PPIP5K2: variants seen among roughly 807,000 people sequenced by gnomAD.
PPIP5K2 encodes diphosphoinositol pentakisphosphate kinase 2.
A neutral mutation model predicts 154.6 loss-of-function variants in PPIP5K2; 105 were observed. The ratio of observed to expected loss-of-function variants is 0.68; its 90% CI spans 0.58 to 0.80. The LOEUF (loss-of-function observed/expected upper bound fraction) is 0.80. Among genes scored for constraint, PPIP5K2 ranks in the 30% least tolerant of loss-of-function variants. PPIP5K2 has a pLI of 0.00. For synonymous variants in PPIP5K2, 480 were observed against 490.3 expected (o/e 0.98, Z 0.28); for missense variants, 992 against 1,504.6 (o/e 0.66, Z 5.64).
rs1369288553 is a variant in PPIP5K2 at position 103,132,477 on chromosome 5, C to T, written c.115-976C>T. Reference sequence around the variant, plus strand: ...AGGAGAATTGCTTGAACCCGGGAGGCGGAGGTTGCAGTGAGCTGAGATTGC... The same window carrying T: ...AGGAGAATTGCTTGAACCCGGGAGGTGGAGGTTGCAGTGAGCTGAGATTGC... On this transcript the variant is annotated intron_variant, in intron 2 of 30. Coordinates refer to ENST00000358359, the MANE Select transcript of PPIP5K2 (RefSeq NM_001276277.3). Among the ~76,000 whole-genome samples the T allele has an allele frequency of 5.3e-5, 8 of 152,028 alleles. No individual in the cohort carries two copies. The South Asian group carries it at 1.5e-3, about 28-fold the overall frequency.
rs116721589 is a variant in PPIP5K2 at position 103,194,955 on chromosome 5, G to A, written c.3549G>A (p.Thr1183=). Reference sequence around the variant, plus strand: ...TGAGAAAAAAAGTATCTTTAAATACGTATACACCTGCAAAGATCCTCCCAA... The same window carrying A: ...TGAGAAAAAAAGTATCTTTAAATACATATACACCTGCAAAGATCCTCCCAA... The part of the protein sequence containing the change: ...PIMRKKVSLN[T]YTPAKILPTP... Residue 1183 remains threonine (T), a synonymous_variant, in exon 30 of 31, where the codon ACG becomes ACA. Transcript: ENST00000358359. 215 of 1,613,188 alleles carry A rather than the reference G, an allele frequency of 1.3e-4. No homozygotes were observed. In the East Asian group the frequency reaches 3.5e-3, roughly 26 times the overall value.
chr5:103,151,253 C>G lies in PPIP5K2; in HGVS notation c.907C>G (p.Gln303Glu). ...AAAGTTTATAACTTATTTTAAATAG[C>G]AAACAGTTTGTGGCTTTGATTTGTT... Reference protein sequence around the residue: ...IAWKVCLAFKQTVCGFDLLRA... With the variant: ...IAWKVCLAFKETVCGFDLLRA... Residue 303 changes from glutamine (Q) to glutamate (E), a missense_variant and splice_region_variant, in exon 9 of 31, where the codon CAA becomes GAA. Gln to Glu is a conservative substitution (Grantham distance 29, BLOSUM62 2). Coordinates refer to ENST00000358359, the MANE Select transcript of PPIP5K2 (RefSeq NM_001276277.3). 1 of 1,589,164 alleles carries G rather than the reference C, an allele frequency of 6.3e-7. No individual in the cohort carries two copies. The highest frequency in any genetic ancestry group is 8.6e-7 in the Non-Finnish European group (1 of 1,168,590).
At chr5:103,129,750 A>G in intron 2 of PPIP5K2, 47 bp downstream of exon 2, 1 of 1,506,256 alleles carries the variant, frequency 6.6e-7, no homozygotes, top group Non-Finnish European at 8.8e-7. Flanking sequence ...AATACAGTAT[A>G]GGCTTTTTAC....
chr5:103,166,527 G>A (rs1797143734), intron 17 of PPIP5K2, among the ~76,000 whole-genome samples: 1 of 151,950 alleles, frequency 6.6e-6, no homozygotes, highest in African/African-American at 2.4e-5. Context: ...TAAATTCCCA[G>A]GATCCTCCAT....
rs1262540641 is a variant in PPIP5K2, at chr5:103,210,755, G to C, written c.*9121G>C. On this transcript the variant is annotated 3_prime_UTR_variant, in exon 31 of 31. Transcript: ENST00000358359. Reference sequence around the variant, plus strand: ...ATTTACTTGGTTAATACAGTTAATAGTATAATACTTATAATAACAATTTTG... The same window carrying C: ...ATTTACTTGGTTAATACAGTTAATACTATAATACTTATAATAACAATTTTG... 6.6e-6 allele frequency: 1 copy of C among 152,092 alleles called. No individual in the cohort carries two copies. The highest frequency in any genetic ancestry group is 1.5e-5 in the Non-Finnish European group (1 of 67,996). The allele number at this position is 152,092 out of a possible 1,614,324, so 9.4% of individuals were successfully genotyped here. A position where few individuals can be genotyped will look rare whatever the true frequency, so the allele number is the denominator to read the frequency against.
Position 103,184,677 on chromosome 5 carries a change from A to G in PPIP5K2, c.3102A>G (p.Val1034=). The G allele has an allele frequency of 6.2e-7, 1 of 1,610,764 alleles. No individual in the cohort carries two copies. Among genetic ancestry groups the G allele is most frequent in the Non-Finnish European group, 8.5e-7 (1 of 1,177,198 alleles). Reference sequence around the variant, plus strand: ...ATTTTGGATTCCTTATGCAGGTTGTATCTGAAAATGCTAATTACCTGAGAA... The same window carrying G: ...ATTTTGGATTCCTTATGCAGGTTGTGTCTGAAAATGCTAATTACCTGAGAA... ...SSIFGSWQQV[V]SENANYLRTP... The change falls in exon 26 of 31, where the codon GTA becomes GTG. Residue 1034 remains valine, a synonymous_variant. Transcript: ENST00000358359.
Position 103,129,533 on chromosome 5 carries a change from T to G in PPIP5K2, c.-57T>G. Reference sequence around the variant, plus strand: ...AATGCTTTCTTCTGATACTATTTACTTAGAGGCAGTTTTAATATAAATCAT... The same window carrying G: ...AATGCTTTCTTCTGATACTATTTACGTAGAGGCAGTTTTAATATAAATCAT... On this transcript the variant is annotated 5_prime_UTR_variant, in exon 2 of 31. Coordinates refer to ENST00000358359, the MANE Select transcript of PPIP5K2 (RefSeq NM_001276277.3). 2.9e-6 allele frequency: 4 copies of G among 1,395,820 alleles called. No homozygotes were observed. The highest frequency in any genetic ancestry group is 1.5e-5 in the African/African-American group (1 of 68,084). The allele number at this position is 1,395,820 out of a possible 1,614,324, so 86.5% of individuals were successfully genotyped here. A position where few individuals can be genotyped will look rare whatever the true frequency, so the allele number is the denominator to read the frequency against.
Position 103,152,725 on chromosome 5 carries a change from T to C in PPIP5K2, c.1106T>C (p.Ile369Thr), listed in dbSNP as rs1794817939. Residue 369 changes from isoleucine to threonine, a missense_variant, in exon 10 of 31, where the codon ATT (isoleucine) becomes ACT (threonine). Ile to Thr is a moderately conservative substitution (Grantham distance 89). Around this residue, in one of 9 missense-constraint regions of PPIP5K2, gnomAD observed 163 missense variants for 285.2 expected, o/e 0.57. Transcript: ENST00000358359. ...CCCTTAGAAGCTGAAGATATCCCAA[T>C]TGTACCAACTACATCTGGAACTATG... Reference protein sequence around the residue: ...SIPLEAEDIPIVPTTSGTMME... With the variant: ...SIPLEAEDIPTVPTTSGTMME... 6.3e-7 allele frequency: 1 copy of C among 1,575,974 alleles called. No individual in the cohort carries two copies. Among genetic ancestry groups the C allele is most frequent in the Non-Finnish European group, 8.7e-7 (1 of 1,146,484 alleles).
rs1451165414 is a variant in PPIP5K2 at position 103,207,911 on chromosome 5, G to C, written c.*6277G>C. 4.0e-5 allele frequency: 6 copies of C among 151,716 alleles called. No individual in the cohort carries two copies. The East Asian group carries it at 9.6e-4, about 24-fold the overall frequency. 9.4% of individuals were successfully genotyped at this position (151,716 alleles called of 1,614,324 possible). A position where few individuals can be genotyped will look rare whatever the true frequency, so the allele number is the denominator to read the frequency against. On this transcript the variant is annotated 3_prime_UTR_variant, in exon 31 of 31. Transcript: ENST00000358359. ...TGCTTGTTCCATTTCTCCTTTTCTT[G>C]AAGTGTTTGTGCATGAACACTGTGC...
chr5:103,172,788 T>C (rs1554219876), intron 19 of PPIP5K2, among the ~76,000 whole-genome samples: 1 of 151,898 alleles, frequency 6.6e-6, no homozygotes, highest in Non-Finnish European at 1.5e-5. Context: ...TTAATTTTTT[T>C]CATATATTTA....
chr5:103,146,385 C>A (rs1031061302), intron 5 of PPIP5K2, 142 bp from the exon 6 acceptor site: 13 of 823,444 alleles, frequency 1.6e-5, no homozygotes, highest in Non-Finnish European at 2.3e-5. Context: ...TTTACATAAA[C>A]ATGGATAATT....
At chr5:103,154,790 T>C (rs559975453) in intron 12 of PPIP5K2, 44 bp from the exon 13 acceptor site, 2 of 1,547,796 alleles carry the variant, frequency 1.3e-6, no homozygotes, top group East Asian at 2.3e-5. Flanking sequence ...TTTTTAGTGG[T>C]GAAATTACAT....
At chr5:103,191,036 A>T in intron 29 of PPIP5K2, 54 bp downstream of exon 29, 7 of 1,517,396 alleles carry the variant, frequency 4.6e-6, no homozygotes, top group Admixed American at 1.8e-5. Flanking sequence ...ACTACATACT[A>T]TCTGAGTATA....
At chr5:103,126,597 A>G (rs962226044) in intron 1 of PPIP5K2, among the ~76,000 whole-genome samples, 9 of 152,198 alleles carry the variant, frequency 5.9e-5, no homozygotes, top group South Asian at 2.1e-4. Context: ...AGGTCCCACA[A>G]TAGGCCATGT....
intron 1 of PPIP5K2, among the ~76,000 whole-genome samples, chr5:103,124,154 C>T (rs1251418663): frequency 1.3e-5 from 2 of 151,840 alleles, no homozygotes; most frequent in Non-Finnish European, 2.9e-5. Context: ...GTGGTGGGTG[C>T]CTGTAGTCCC....
In PPIP5K2 at chr5:103,133,733, CAG is replaced by C. The variant is rs1478805039; in HGVS notation, c.310+87_310+88del. On this transcript the variant is annotated intron_variant, in intron 3 of 30. Transcript: ENST00000358359. Reference sequence around the variant, plus strand: ...ATTAATTGTAGACTATGAGATAAAACAGAAAAATAAACATTAACTCACTTTCA... The same window carrying C: ...ATTAATTGTAGACTATGAGATAAAACAAAAATAAACATTAACTCACTTTCA... The C allele has an allele frequency of 7.9e-6, 9 of 1,139,926 alleles. No individual in the cohort carries two copies. The African/African-American group carries it at 8.1e-5, about 10-fold the overall frequency. The allele number at this position is 1,139,926 out of a possible 1,614,324, so 70.6% of individuals were successfully genotyped here.
At chr5:103,186,062 AT>A (rs1423294650) in intron 26 of PPIP5K2, among the ~76,000 whole-genome samples, 5 of 151,426 alleles carry the variant, frequency 3.3e-5, no homozygotes, top group South Asian at 4.2e-4. Context: ...ATATGGACAT[AT>A]TTTTTTTCTC....
chr5:103,143,002 A>G (rs1054741759), intron 5 of PPIP5K2, among the ~76,000 whole-genome samples: 4 of 152,128 alleles, frequency 2.6e-5, no homozygotes, highest in South Asian at 2.1e-4. Flanking sequence ...CAAAACATGG[A>G]TGGGGGGAAA....
chr5:103,126,047 A>G (rs1239777677), intron 1 of PPIP5K2, among the ~76,000 whole-genome samples: 20 of 152,172 alleles, frequency 1.3e-4, no homozygotes, highest in Admixed American at 1.2e-3. Flanking sequence ...GAACATGGGA[A>G]ATATGCCAAG....
Sources: gnomAD v4.1 joint callset for allele counts (sites outside exome capture counted in the v4.1 genomes callset) on GRCh38, gnomAD v4.1.1 for gene constraint, gnomAD v4.1.1 regional missense constraint, MANE v1.5 for transcripts, NCBI Gene and HGNC (gene_info 2026-07-23, HGNC 2026-07-21) for gene names.